The following SS18 variants were observed in gnomAD, a reference collection of about 807,000 sequenced individuals.
SS18 encodes protein SSXT.
A neutral mutation model predicts 72.5 loss-of-function variants in SS18; 28 were observed. The ratio of observed to expected loss-of-function variants is 0.39; its 90% confidence interval spans 0.29 to 0.53. The LOEUF is 0.53. Ranked by LOEUF, SS18 falls within the 20% of genes least tolerant of loss-of-function variation. The pLI, the probability that SS18 is intolerant of heterozygous loss-of-function variation, is 0.76. For synonymous variants in SS18, 172 were observed against 164.2 expected (o/e 1.05, Z -0.37); for missense variants, 518 against 535.3 (o/e 0.97, Z 0.32).
chr18:26,040,084 C>T (rs187356238), intron 5 of SS18, among the ~76,000 whole-genome samples: 58 of 152,304 alleles, frequency 3.8e-4, no homozygotes, highest in African/African-American at 1.3e-3. Context: ...AATCAAATGG[C>T]TATACTGCTT....
intron 10 of SS18, among the ~76,000 whole-genome samples, chr18:26,031,373 G>A (rs906488803): frequency 5.3e-5 from 8 of 152,128 alleles, no homozygotes; most frequent in Admixed American, 6.6e-5. Flanking sequence ...AGTTACCACT[G>A]CATCTGAGTT....
At chr18:26,047,623 C>CTT in intron 5 of SS18, among the ~76,000 whole-genome samples, 1 of 151,966 alleles carries the variant, frequency 6.6e-6, no homozygotes, top group East Asian at 1.9e-4. Flanking sequence ...GGGCAGATCA[C>CTT]AAGGTCAGGA....
intron 10 of SS18, among the ~76,000 whole-genome samples, chr18:26,026,944 A>G (rs910284968): frequency 3.9e-5 from 6 of 152,212 alleles, no homozygotes; most frequent in African/African-American, 1.4e-4. Context: ...ATTATATGAC[A>G]CTGTTAAAAA....
At chr18:26,036,603 A>T (rs1052578865) in intron 7 of SS18, among the ~76,000 whole-genome samples, 1 of 151,302 alleles carries the variant, frequency 6.6e-6, no homozygotes, top group African/African-American at 2.5e-5. Context: ...AGATAATTGG[A>T]CTCTAGTGAA....
chr18:26,053,381 C>A (rs943129307), intron 4 of SS18, among the ~76,000 whole-genome samples: 3 of 150,046 alleles, frequency 2.0e-5, no homozygotes, highest in Non-Finnish European at 2.9e-5. Context: ...AAAGAAGAAA[C>A]CATAAAAGAA....
intron 10 of SS18, among the ~76,000 whole-genome samples, chr18:26,022,172 C>G (rs2143774936): frequency 6.6e-6 from 1 of 152,218 alleles, no homozygotes; most frequent in African/African-American, 2.4e-5. Flanking sequence ...GCATTCAAAT[C>G]TAGAAAGTAG....
At chr18:26,047,084 T>C (rs1038997390) in intron 5 of SS18, among the ~76,000 whole-genome samples, 1 of 152,030 alleles carries the variant, frequency 6.6e-6, no homozygotes, top group Non-Finnish European at 1.5e-5. Flanking sequence ...TGTATTTCCA[T>C]AGGATGTCTG....
intron 3 of SS18, among the ~76,000 whole-genome samples, chr18:26,063,046 C>T (rs572703453): frequency 1.4e-4 from 22 of 152,264 alleles, no homozygotes; most frequent in South Asian, 1.2e-3. Flanking sequence ...TTACAGAATC[C>T]AATAACTGTT....
At chr18:26,030,759 TGAAAATA>T (rs1304568812) in intron 10 of SS18, among the ~76,000 whole-genome samples, 1 of 151,482 alleles carries the variant, frequency 6.6e-6, no homozygotes, top group Non-Finnish European at 1.5e-5. Context: ...CTAAGAATAC[TGAAAATA>T]GAGGGCAGTA....
In SS18 at chr18:26,016,467, AATC is replaced by A. The variant is rs1336196806; in HGVS notation, c.*1884_*1886del. Reference sequence around the variant, plus strand: ...GCCAGGCACGGTGGCTCACGCCTGTAATCCCAGCACTTTGGAAGGCCGAGGCGG... The same window carrying A: ...GCCAGGCACGGTGGCTCACGCCTGTACCAGCACTTTGGAAGGCCGAGGCGG... On this transcript the variant is annotated 3_prime_UTR_variant, in exon 11 of 11. Transcript: ENST00000415083. 1 of 181,250 alleles carries A rather than the reference AATC, an allele frequency of 5.5e-6. No individual in the cohort carries two copies. The highest frequency in any genetic ancestry group is 1.2e-5 in the Non-Finnish European group (1 of 84,800). The allele number at this position is 181,250 out of a possible 1,614,324, so 11.2% of individuals were successfully genotyped here. A position where few individuals can be genotyped will look rare whatever the true frequency, so the allele number is the denominator to read the frequency against.
intron 2 of SS18, among the ~76,000 whole-genome samples, chr18:26,085,044 T>TA (rs1355925695): frequency 6.6e-6 from 1 of 152,156 alleles, no homozygotes; most frequent in African/African-American, 2.4e-5. Context: ...CAAATGTTTC[T>TA]AAAAAACAAT....
At chr18:26,023,303 T>G (rs991898567) in intron 10 of SS18, among the ~76,000 whole-genome samples, 1 of 152,120 alleles carries the variant, frequency 6.6e-6, no homozygotes. Flanking sequence ...CGGAAGATAT[T>G]AAAAAGACCT....
intron 5 of SS18, among the ~76,000 whole-genome samples, chr18:26,047,638 G>A (rs987405897): frequency 2.0e-4 from 31 of 152,064 alleles, no homozygotes; most frequent in African/African-American, 6.3e-4. Context: ...TCAGGAGATT[G>A]AGACCATCCT....
At chr18:26,068,901 G>A (rs563894374) in intron 3 of SS18, among the ~76,000 whole-genome samples, 4 of 152,112 alleles carry the variant, frequency 2.6e-5, no homozygotes, top group South Asian at 2.1e-4. Context: ...TAAAATTCAC[G>A]AAGTATATTT....
At chr18:26,032,745 G>A (rs989882329) in intron 9 of SS18, among the ~76,000 whole-genome samples, 3 of 152,032 alleles carry the variant, frequency 2.0e-5, no homozygotes, top group African/African-American at 4.8e-5. Flanking sequence ...TATAATTATC[G>A]TACTATGCCC....
At chr18:26,026,749 C>T (rs1008198526) in intron 10 of SS18, among the ~76,000 whole-genome samples, 7 of 151,884 alleles carry the variant, frequency 4.6e-5, no homozygotes, top group African/African-American at 1.7e-4. Context: ...ATGAAATCTA[C>T]AAAAACACTA....
intron 10 of SS18, among the ~76,000 whole-genome samples, chr18:26,027,063 T>A (rs1224093092): frequency 8.5e-5 from 13 of 152,174 alleles, no homozygotes; most frequent in Non-Finnish European, 5.9e-5. Flanking sequence ...AAACTCCTAG[T>A]AAGCTTTTAC....
intron 3 of SS18, among the ~76,000 whole-genome samples, chr18:26,071,116 A>G (rs898886085): frequency 1.3e-5 from 2 of 152,302 alleles, no homozygotes; most frequent in Non-Finnish European, 2.9e-5. Context: ...ACATAAAGAT[A>G]CAGTTACAAG....
intron 5 of SS18, among the ~76,000 whole-genome samples, chr18:26,039,751 AT>A (rs2053692001): frequency 6.6e-6 from 1 of 152,156 alleles, no homozygotes; most frequent in Non-Finnish European, 1.5e-5. Context: ...GAATGTGTGT[AT>A]TTTCCATTAC....
Sources: gnomAD v4.1 joint callset for allele counts (sites outside exome capture counted in the v4.1 genomes callset) on GRCh38, gnomAD v4.1.1 for gene constraint, MANE v1.5 for transcripts, NCBI Gene and HGNC (gene_info 2026-07-23, HGNC 2026-07-21) for gene names.